Variants in NAA35 observed in about 807,000 individuals in gnomAD.
The protein encoded by NAA35 is N-alpha-acetyltransferase 35, NatC auxiliary subunit.
A neutral mutation model predicts 101.7 loss-of-function variants in NAA35; 18 were observed. The ratio of observed to expected loss-of-function variants is 0.18; its 90% CI spans 0.12 to 0.26. The LOEUF (loss-of-function observed/expected upper bound fraction) is 0.26. NAA35 is among the 10% of genes least tolerant of loss of function. The pLI is 1.00. For synonymous variants in NAA35, 267 were observed against 273.1 expected, an observed-to-expected ratio of 0.98 and a Z score of 0.22; for missense variants, 601 against 886.8, an observed-to-expected ratio of 0.68 and a Z score of 4.09.
At chr9:85,960,647 T>A (rs1829474882) in intron 5 of NAA35, among the ~76,000 whole-genome samples, 1 of 152,182 alleles carries the variant, frequency 6.6e-6, no homozygotes, top group East Asian at 1.9e-4. Flanking sequence ...CTTTACCCCC[T>A]CAAAGATTTC....
chr9:85,948,851 G>A (rs1051460798), intron 2 of NAA35, among the ~76,000 whole-genome samples: 8 of 151,564 alleles, frequency 5.3e-5, no homozygotes, highest in East Asian at 1.9e-4. Flanking sequence ...TCCATCTCCC[G>A]GGTTCAGGCG....
chr9:85,977,099 C>T (rs924307129), intron 9 of NAA35, among the ~76,000 whole-genome samples: 4 of 152,042 alleles, frequency 2.6e-5, no homozygotes, highest in African/African-American at 9.7e-5. Context: ...CAGATAACAT[C>T]AGTTTTTTGA....
chr9:85,942,606 A>G (rs1406736373), intron 2 of NAA35, among the ~76,000 whole-genome samples: 2 of 152,226 alleles, frequency 1.3e-5, no homozygotes, highest in Admixed American at 1.3e-4. Flanking sequence ...AGGTTTCAGT[A>G]TGATCAGATC....
chr9:85,941,945 G>A, intron 1 of NAA35: 1 of 1,244,768 alleles, frequency 8.0e-7, no homozygotes. Context: ...GGTAGGTGGT[G>A]GGCTAATAGT....
chr9:86,005,415 C>G (rs1178906081), intron 13 of NAA35, among the ~76,000 whole-genome samples: 1 of 152,168 alleles, frequency 6.6e-6, no homozygotes, highest in East Asian at 1.9e-4. Context: ...ATGGTTTCCT[C>G]CAAGAATGGG....
chr9:85,974,241 G>A (rs1284158658), intron 6 of NAA35, among the ~76,000 whole-genome samples: 2 of 152,236 alleles, frequency 1.3e-5, no homozygotes, highest in Non-Finnish European at 1.5e-5. Flanking sequence ...TTATAGGCAC[G>A]AGCCACCATG....
intron 2 of NAA35, among the ~76,000 whole-genome samples, chr9:85,948,647 T>C (rs1007100922): frequency 6.6e-5 from 10 of 152,240 alleles, no homozygotes; most frequent in Admixed American, 2.0e-4. Flanking sequence ...TGACTGATAT[T>C]ATGTCTGGGT....
chr9:85,950,972 A>G (rs770965140), intron 2 of NAA35, among the ~76,000 whole-genome samples: 4 of 152,016 alleles, frequency 2.6e-5, no homozygotes, highest in Non-Finnish European at 4.4e-5. Flanking sequence ...CCCTGCCTCT[A>G]TTGAAATACA....
intron 6 of NAA35, among the ~76,000 whole-genome samples, chr9:85,970,258 A>C (rs1007529018): frequency 6.6e-6 from 1 of 152,234 alleles, no homozygotes; most frequent in Non-Finnish European, 1.5e-5. Context: ...TATTTAATTC[A>C]GTATATCTAA....
chr9:85,987,214 T>G (rs1830686303), intron 11 of NAA35, among the ~76,000 whole-genome samples: 1 of 152,206 alleles, frequency 6.6e-6, no homozygotes, highest in East Asian at 1.9e-4. Flanking sequence ...TTGGTTTTAA[T>G]AAAAGCCTTG....
Position 85,962,432 on chromosome 9 carries a change from G to A in NAA35, c.516+252G>A, listed in dbSNP as rs372245438. On this transcript the variant is annotated intron_variant, in intron 6 of 22. Coordinates refer to ENST00000361671, the MANE Select transcript of NAA35 (RefSeq NM_024635.4). ...CTTGAACCCAGGAGGCAGAGGTTGCGGTGAGCTGAGATTGTGCCACTGCAC... is the reference window on the plus strand; with the variant it reads ...CTTGAACCCAGGAGGCAGAGGTTGCAGTGAGCTGAGATTGTGCCACTGCAC... 4.1e-5 allele frequency among the ~76,000 whole-genome samples: 6 copies of A among 144,784 alleles called. No homozygotes were observed. In the East Asian group the frequency reaches 6.2e-4, roughly 15 times the overall value. The allele number at this position is 144,784 out of a possible 152,430, so 95.0% of individuals were successfully genotyped here. A position where few individuals can be genotyped will look rare whatever the true frequency, so the allele number is the denominator to read the frequency against.
intron 18 of NAA35, among the ~76,000 whole-genome samples, 193 bp from the exon 19 acceptor site, chr9:86,017,305 T>C (rs1832276625): frequency 6.6e-6 from 1 of 152,264 alleles, no homozygotes; most frequent in African/African-American, 2.4e-5. Flanking sequence ...TAGTATTAGC[T>C]ATTTGGGGAC....
At chr9:86,013,320 C>A (rs1033489241) in intron 16 of NAA35, among the ~76,000 whole-genome samples, 176 bp downstream of exon 16, 12 of 151,948 alleles carry the variant, frequency 7.9e-5, no homozygotes, top group Non-Finnish European at 2.9e-5. Flanking sequence ...GAACAATAAT[C>A]CAAACTGATA....
rs141328529 is a variant in NAA35 at position 85,971,212 on chromosome 9, A to G, written c.517-3755A>G. ...CTTATGTTACTTTTTCTTTCATTTT[A>G]TCTTTATTTACTCCAAATGGTCATT... On this transcript the variant is annotated intron_variant, in intron 6 of 22. Coordinates refer to ENST00000361671, the MANE Select transcript of NAA35 (RefSeq NM_024635.4). Among the ~76,000 whole-genome samples the G allele has an allele frequency of 2.0e-5, 3 of 152,216 alleles. 1 individual carries two copies. Among genetic ancestry groups the G allele is most frequent in the African/African-American group, 4.8e-5 (2 of 41,540 alleles).
intron 11 of NAA35, among the ~76,000 whole-genome samples, chr9:85,984,570 G>A (rs1830569752): frequency 6.6e-6 from 1 of 152,182 alleles, no homozygotes; most frequent in Non-Finnish European, 1.5e-5. Flanking sequence ...ATGTGCAGCA[G>A]TAGTGGAAAT....
chr9:85,996,072 CCT>C (rs1831142098), intron 11 of NAA35, among the ~76,000 whole-genome samples: 2 of 152,084 alleles, frequency 1.3e-5, no homozygotes, highest in African/African-American at 2.4e-5. Context: ...TGTATCATTT[CCT>C]CTGTTTTGAA....
chr9:86,017,655 A>G, intron 19 of NAA35, 90 bp downstream of exon 19: 1 of 1,062,088 alleles, frequency 9.4e-7, no homozygotes, highest in Non-Finnish European at 1.4e-6. Flanking sequence ...TTCTTTCCAT[A>G]TTATAATTTC....
At chr9:86,021,846 T>C in intron 22 of NAA35, 55 bp from the exon 23 acceptor site, 5 of 1,331,858 alleles carry the variant, frequency 3.8e-6, no homozygotes, top group Non-Finnish European at 5.4e-6. Flanking sequence ...CTTTGTTTTG[T>C]GTACCATCTG....
intron 18 of NAA35, among the ~76,000 whole-genome samples, chr9:86,017,136 A>T (rs969773928): frequency 6.6e-6 from 1 of 152,268 alleles, no homozygotes; most frequent in Non-Finnish European, 1.5e-5. Context: ...AAGGCTATAG[A>T]TATGGCTGCA....
Sources: allele counts gnomAD v4.1 joint callset (sites outside exome capture counted in the v4.1 genomes callset), GRCh38; gene constraint gnomAD v4.1.1; transcripts MANE v1.5; gene names NCBI Gene and HGNC (gene_info 2026-07-23, HGNC 2026-07-21).